Variants in ABI3BP observed in about 807,000 individuals in gnomAD.
The protein encoded by ABI3BP is target of Nesh-SH3.
A neutral mutation model predicts 268.6 loss-of-function variants in ABI3BP; 216 were observed. The ratio of observed to expected loss-of-function variants is 0.80; its 90% confidence interval spans 0.72 to 0.90. The LOEUF is 0.90. Ranked by LOEUF, ABI3BP falls within the 40% of genes least tolerant of loss-of-function variation. ABI3BP has a pLI of 0.00. For missense variants in ABI3BP, 2,090 were observed against 2,182.4 expected (o/e 0.96, Z 0.84); for synonymous variants, 730 against 730.0 (o/e 1.00, Z 0.00).
At chr3:100,850,572 A>G in intron 16 of ABI3BP, 88 bp downstream of exon 16, 1 of 945,362 alleles carries the variant, frequency 1.1e-6, no homozygotes, top group Non-Finnish European at 1.7e-6. Context: ...GATGTGATGG[A>G]ATGAAATGGT....
chr3:100,816,461 C>T lies in ABI3BP; in HGVS notation c.3229+227G>A, dbSNP rs1196632884. Reference sequence around the variant, plus strand: ...ATCTTTAAAGAGGGACCAAGAACGTCATCCAAACCAAGTCATTTAGGAGAT... The same window carrying T: ...ATCTTTAAAGAGGGACCAAGAACGTTATCCAAACCAAGTCATTTAGGAGAT... On this transcript the variant is annotated intron_variant, in intron 43 of 67. Transcript: ENST00000471714. 1.8e-5 allele frequency: 11 copies of T among 615,536 alleles called. No homozygotes were observed. In the East Asian group the frequency reaches 3.1e-4, roughly 17 times the overall value. 38.1% of individuals were successfully genotyped at this position (615,536 alleles called of 1,614,324 possible).
intron 1 of ABI3BP, among the ~76,000 whole-genome samples, chr3:100,956,944 G>A (rs2077036565): frequency 6.6e-6 from 1 of 152,188 alleles, no homozygotes; most frequent in South Asian, 2.1e-4. Context: ...AGAGGTAACT[G>A]GGCTGGATGG....
chr3:100,850,044 C>T lies in ABI3BP; in HGVS notation c.1501+1G>A. The T allele has an allele frequency of 3.7e-6, 6 of 1,610,036 alleles. No individual in the cohort carries two copies. Among genetic ancestry groups the T allele is most frequent in the Non-Finnish European group, 5.1e-6 (6 of 1,177,938 alleles). ...ATAACTACATAAATGTCATTAGTTA[C>T]CAGGTGTCGTAGGCTGCATTTCTGG... On this transcript the variant is annotated splice_donor_variant, in intron 17 of 67. Coordinates refer to ENST00000471714, the MANE Select transcript of ABI3BP (RefSeq NM_001375547.2). LOFTEE classifies it high-confidence loss of function.
At chr3:100,951,243 G>A (rs1463630153) in intron 1 of ABI3BP, among the ~76,000 whole-genome samples, 2 of 151,686 alleles carry the variant, frequency 1.3e-5, no homozygotes, top group Non-Finnish European at 2.9e-5. Context: ...GTGTATGCAC[G>A]TGTGTGAGCA....
intron 61 of ABI3BP, among the ~76,000 whole-genome samples, chr3:100,773,192 G>A (rs975658604): frequency 3.3e-5 from 5 of 151,114 alleles, no homozygotes; most frequent in Non-Finnish European, 7.4e-5. Flanking sequence ...AAAATTAGAA[G>A]ACACACACTG....
rs187264734 is a variant in ABI3BP at position 100,812,504 on chromosome 3, C to A, written c.3384G>T (p.Ser1128=). ...ESQPVSDVLE[S]VTLSTESPKE... Reference sequence around the variant, plus strand: ...TTGGTGACTCAGTACTAAGTGTAACCGATTCCAGAACATCAGAAACTAGTA... The same window carrying A: ...TTGGTGACTCAGTACTAAGTGTAACAGATTCCAGAACATCAGAAACTAGTA... The change falls in exon 46 of 68, where the codon TCG becomes TCT. Residue 1128 remains serine (S), a synonymous_variant. Transcript: ENST00000471714. The A allele has an allele frequency of 3.1e-5, 41 of 1,326,494 alleles. No homozygotes were observed. Among genetic ancestry groups the A allele is most frequent in the Non-Finnish European group, 3.9e-5 (40 of 1,038,748 alleles). 82.2% of individuals were successfully genotyped at this position (1,326,494 alleles called of 1,614,324 possible). A position where few individuals can be genotyped will look rare whatever the true frequency, so the allele number is the denominator to read the frequency against.
intron 29 of ABI3BP, 145 bp downstream of exon 29, chr3:100,834,539 G>C: frequency 3.0e-6 from 2 of 663,684 alleles, no homozygotes; most frequent in Non-Finnish European, 5.1e-6. Context: ...GGTATCGCCA[G>C]AGCACTGTGT....
At chr3:100,921,084 C>T (rs1428132011) in intron 2 of ABI3BP, among the ~76,000 whole-genome samples, 3 of 152,258 alleles carry the variant, frequency 2.0e-5, no homozygotes, top group Non-Finnish European at 2.9e-5. Context: ...GACTGAGAGG[C>T]CTGTGCTGAG....
chr3:100,816,068 C>A, intron 43 of ABI3BP, 97 bp from the exon 44 acceptor site: 1 of 967,208 alleles, frequency 1.0e-6, no homozygotes, highest in East Asian at 2.7e-5. Flanking sequence ...AAATGATACA[C>A]AATTTTTTAA....
At chr3:100,820,780 A>G (rs1034693010) in intron 39 of ABI3BP, among the ~76,000 whole-genome samples, 19 of 152,362 alleles carry the variant, frequency 1.2e-4, no homozygotes, top group Admixed American at 3.9e-4. Flanking sequence ...TTTAACAAAA[A>G]AATTGGTTAA....
intron 61 of ABI3BP, among the ~76,000 whole-genome samples, chr3:100,773,316 T>C (rs144259220): frequency 6.6e-5 from 10 of 152,108 alleles, no homozygotes; most frequent in African/African-American, 2.4e-4. Context: ...GGCAAAAATA[T>C]TGGAAATAGC....
At chr3:100,947,257 C>A (rs2072901061) in intron 1 of ABI3BP, among the ~76,000 whole-genome samples, 1 of 152,090 alleles carries the variant, frequency 6.6e-6, no homozygotes, top group Non-Finnish European at 1.5e-5. Flanking sequence ...AAAAGAAAGT[C>A]AAAGTGGCTT....
chr3:100,835,786 T>C, intron 27 of ABI3BP, 126 bp from the exon 28 acceptor site: 2 of 797,790 alleles, frequency 2.5e-6, no homozygotes, highest in South Asian at 3.7e-5. Context: ...GAAAATAGTA[T>C]TTGTTTTCCC....
intron 63 of ABI3BP, 59 bp from the exon 64 acceptor site, chr3:100,754,750 A>C: frequency 1.5e-6 from 2 of 1,370,020 alleles, no homozygotes; most frequent in Non-Finnish European, 2.0e-6. Context: ...AGGAGGCAAC[A>C]TTGCCCTATT....
rs1004298597 is a variant in ABI3BP, at chr3:100,839,631, A to G, written c.1898-15T>C. 25 of 1,535,624 alleles carry G rather than the reference A, an allele frequency of 1.6e-5. No individual in the cohort carries two copies. The highest frequency in any genetic ancestry group is 2.4e-5 in the East Asian group (1 of 40,922). ...AGGTTCCAGAGCTACAGAAGCAAAT[A>G]CCAAAAACATGAAATATTTCAAGAA... On this transcript the variant is annotated splice_polypyrimidine_tract_variant and intron_variant, in intron 23 of 67. Coordinates refer to ENST00000471714, the MANE Select transcript of ABI3BP (RefSeq NM_001375547.2).
intron 14 of ABI3BP, 97 bp downstream of exon 14, chr3:100,862,214 A>G: frequency 2.5e-6 from 2 of 812,428 alleles, no homozygotes; most frequent in Non-Finnish European, 3.8e-6. Flanking sequence ...CATTTATTAC[A>G]AAGCATAATG....
chr3:100,864,743 T>G (rs1033961289), intron 11 of ABI3BP, 90 bp downstream of exon 11: 1 of 931,066 alleles, frequency 1.1e-6, no homozygotes, highest in African/African-American at 1.7e-5. Context: ...AGAGAGAAGT[T>G]AAGGCACCAG....
At chr3:100,871,401 T>C (rs1290124680) in intron 9 of ABI3BP, among the ~76,000 whole-genome samples, 2 of 152,220 alleles carry the variant, frequency 1.3e-5, no homozygotes, top group East Asian at 3.8e-4. Context: ...TCAGACATTT[T>C]CAAACATACT....
chr3:100,759,837 A>G (rs935705442), intron 63 of ABI3BP, among the ~76,000 whole-genome samples: 8 of 152,212 alleles, frequency 5.3e-5, no homozygotes, highest in African/African-American at 1.9e-4. Context: ...ACCACAAACT[A>G]AATAAAATGC....
Sources: gnomAD v4.1 joint callset for allele counts (sites outside exome capture counted in the v4.1 genomes callset) on GRCh38, gnomAD v4.1.1 for gene constraint, MANE v1.5 for transcripts, NCBI Gene and HGNC (gene_info 2026-07-23, HGNC 2026-07-21) for gene names.